Variants in MSN observed in about 807,000 individuals in gnomAD.
MSN encodes moesin.
Under a neutral mutation model 48.0 loss-of-function variants are expected in MSN, and 2 were observed. The ratio of observed to expected loss-of-function variants is 0.04; its 90% CI spans 0.02 to 0.13. MSN has a LOEUF of 0.13. Among genes scored for constraint, MSN ranks in the 10% least tolerant of loss-of-function variants. The pLI, the probability that MSN is intolerant of heterozygous loss-of-function variation, is 1.00. For synonymous variants in MSN, 146 were observed against 166.9 expected, an observed-to-expected ratio of 0.87 and a Z score of 0.97; for missense variants, 267 against 470.1, an observed-to-expected ratio of 0.57 and a Z score of 3.99.
chrX:65,604,570 A>T (rs1028149620), intron 1 of MSN, among the ~76,000 whole-genome samples: 2 of 111,646 alleles, frequency 1.8e-5, no homozygotes, highest in African/African-American at 6.5e-5. Context: ...ATCAGAAATA[A>T]GCATAGGGAA....
chrX:65,605,700 G>A (rs943860918), intron 1 of MSN, among the ~76,000 whole-genome samples: 5 of 110,770 alleles, frequency 4.5e-5, no homozygotes, highest in East Asian at 2.8e-4. Context: ...TTTTCTCACC[G>A]TGATTCAGCC....
intron 1 of MSN, among the ~76,000 whole-genome samples, chrX:65,673,435 A>G (rs2070962633): frequency 9.1e-6 from 1 of 109,648 alleles, no homozygotes; most frequent in Non-Finnish European, 1.9e-5. Context: ...CAGTGAGCTG[A>G]GGACTGGCTA....
intron 1 of MSN, among the ~76,000 whole-genome samples, chrX:65,714,334 A>G (rs777189954): frequency 2.7e-5 from 3 of 111,910 alleles, no homozygotes; most frequent in Non-Finnish European, 5.6e-5. Context: ...TATATACCCC[A>G]TAATGATATT....
intron 1 of MSN, among the ~76,000 whole-genome samples, chrX:65,671,781 G>A (rs776819838): frequency 8.9e-6 from 1 of 111,979 alleles, no homozygotes; most frequent in South Asian, 3.7e-4. Context: ...GGCCTTTGTG[G>A]GACCCACACC....
intron 1 of MSN, among the ~76,000 whole-genome samples, chrX:65,605,627 A>G (rs756484266): frequency 1.8e-5 from 2 of 112,103 alleles, no homozygotes; most frequent in East Asian, 5.6e-4. Flanking sequence ...GCTATAGCCC[A>G]AAAGAGCCTA....
At chrX:65,724,032 TTC>T (rs1190928066) in intron 2 of MSN, among the ~76,000 whole-genome samples, 31 of 109,690 alleles carry the variant, frequency 2.8e-4, no homozygotes, top group African/African-American at 9.0e-4. Flanking sequence ...TGAGCCTGAA[TTC>T]TCTCTTTTTT....
chrX:65,619,708 C>T (rs370627457), intron 1 of MSN, among the ~76,000 whole-genome samples: 1,752 of 108,524 alleles, frequency 0.016, 53 homozygotes, highest in African/African-American at 0.058. Context: ...TCTCTCAGCT[C>T]GTCAAAGTCA....
Position 65,730,262 on chromosome X carries a change from G to A in MSN, c.467+550G>A, listed in dbSNP as rs183763761. On this transcript the variant is annotated intron_variant, in intron 4 of 12. Coordinates refer to ENST00000360270, the MANE Select transcript of MSN (RefSeq NM_002444.3). ...GCAGGCAATATCCTTATTTCCTGGC[G>A]AAGGAAATAGAGGTGCAGAGGTACT... Among the ~76,000 whole-genome samples the A allele has an allele frequency of 1.3e-3, 142 of 111,987 alleles. 1 individual carries two copies. The highest frequency in any genetic ancestry group is 4.3e-3 in the African/African-American group (131 of 30,784).
rs747354777 is a variant in MSN, at chrX:65,696,196, CA to C, written c.13-20615del. On this transcript the variant is annotated intron_variant, in intron 1 of 12. Coordinates refer to ENST00000360270, the MANE Select transcript of MSN (RefSeq NM_002444.3). ...TTATCTGCATATTTCCTCCATCTGACAAAAAAATGCCCTCACGTGCTTGCTC... is the reference window on the plus strand; with the variant it reads ...TTATCTGCATATTTCCTCCATCTGACAAAAAATGCCCTCACGTGCTTGCTC... 2.2e-3 allele frequency among the ~76,000 whole-genome samples: 235 copies of C among 108,409 alleles called. 1 individual carries two copies. The highest frequency in any genetic ancestry group is 7.6e-3 in the African/African-American group (218 of 28,691). 94.1% of individuals were successfully genotyped at this position (108,409 alleles called of 115,157 possible).
intron 1 of MSN, among the ~76,000 whole-genome samples, chrX:65,694,439 C>G (rs1194746946): frequency 3.6e-5 from 4 of 110,255 alleles, no homozygotes; most frequent in Admixed American, 2.9e-4. Flanking sequence ...CAGCGATTCC[C>G]TGTCTCAGCC....
rs765531503 is a variant in MSN, at chrX:65,636,542, C to G, written c.-22+47930C>G. On this transcript the variant is annotated intron_variant, in intron 1 of 3. Transcript: ENST00000609672. ...ATCTGAGGTCAGGAGTTCAGCAGCTCGAGACCAGCCAGGGCAACATGGTGA... is the reference window on the plus strand; with the variant it reads ...ATCTGAGGTCAGGAGTTCAGCAGCTGGAGACCAGCCAGGGCAACATGGTGA... Among the ~76,000 whole-genome samples, 4 of 107,741 alleles carry G rather than the reference C, an allele frequency of 3.7e-5. No homozygotes were observed. The Admixed American group carries it at 4.0e-4, about 11-fold the overall frequency. 93.6% of individuals were successfully genotyped at this position (107,741 alleles called of 115,157 possible).
At chrX:65,694,528 A>T (rs905417305) in intron 1 of MSN, among the ~76,000 whole-genome samples, 1 of 109,192 alleles carries the variant, frequency 9.2e-6, no homozygotes. Flanking sequence ...GGGTTTCACC[A>T]TGTTGTCCAG....
At chrX:65,632,889 T>C (rs2070569523) in intron 1 of MSN, among the ~76,000 whole-genome samples, 2 of 112,140 alleles carry the variant, frequency 1.8e-5, no homozygotes, top group Admixed American at 9.5e-5. Context: ...GGAGGAGTCA[T>C]GATCCAAAAA....
At chrX:65,604,330 G>C (rs1470042294) in intron 1 of MSN, among the ~76,000 whole-genome samples, 1 of 112,112 alleles carries the variant, frequency 8.9e-6, no homozygotes, top group African/African-American at 3.2e-5. Context: ...CCAGTAGATG[G>C]CTGGCCATGT....
At chrX:65,651,455 C>G (rs1364928296) in intron 1 of MSN, among the ~76,000 whole-genome samples, 1 of 108,621 alleles carries the variant, frequency 9.2e-6, no homozygotes, top group South Asian at 3.9e-4. Flanking sequence ...TTATTTCAAA[C>G]TATAAGTGCT....
intron 1 of MSN, among the ~76,000 whole-genome samples, chrX:65,606,396 G>T (rs1255984533): frequency 9.1e-6 from 1 of 109,588 alleles, no homozygotes; most frequent in Non-Finnish European, 1.9e-5. Flanking sequence ...CAAAGTACTG[G>T]GATTACAGGT....
At position 65,650,335 on chromosome X, in the gene MSN, C is replaced by A. The variant is rs775987985; in HGVS notation, c.-22+61723C>A. Among the ~76,000 whole-genome samples the A allele has an allele frequency of 1.3e-3, 150 of 112,025 alleles. No homozygotes were observed. The Middle Eastern group carries it at 0.037, about 28-fold the overall frequency. On this transcript the variant is annotated intron_variant, in intron 1 of 3. Coordinates refer to the MSN transcript ENST00000609672. Reference sequence around the variant, plus strand: ...ACACTTGGCTTCAAGTGATCCACCCCCCTTGGCCTCCCAAAGTGCTGGGAT... The same window carrying A: ...ACACTTGGCTTCAAGTGATCCACCCACCTTGGCCTCCCAAAGTGCTGGGAT...
rs1361532206 is a variant in MSN at position 65,738,973 on chromosome X, C to G, written c.1348C>G (p.Gln450Glu). Residue 450 changes from glutamine (Q) to glutamate (E), a missense_variant, in exon 12 of 13, where the codon CAG becomes GAG. By Grantham distance (29) the Gln-to-Glu change is conservative. Transcript: ENST00000360270. Reference protein sequence around the residue: ...SEAVEWQQKAQMVQEDLEKTR... With the variant: ...SEAVEWQQKAEMVQEDLEKTR... ...CTCTCCTTCTGTCACTGGACAGGCC[C>G]AGATGGTACAGGAAGACTTGGAGAA... The G allele has an allele frequency of 8.3e-7, 1 of 1,211,153 alleles. No homozygotes were observed. The highest frequency in any genetic ancestry group is 1.1e-6 in the Non-Finnish European group (1 of 895,065).
chrX:65,597,015 A>C (rs1227419424), intron 1 of MSN, among the ~76,000 whole-genome samples: 2 of 111,596 alleles, frequency 1.8e-5, no homozygotes, highest in Non-Finnish European at 3.8e-5. Flanking sequence ...CTACTAGAAA[A>C]ATAACTCCAA....
Sources: gnomAD v4.1 joint callset for allele counts (sites outside exome capture counted in the v4.1 genomes callset) on GRCh38, gnomAD v4.1.1 for gene constraint, MANE v1.5 for transcripts, NCBI Gene and HGNC (gene_info 2026-07-23, HGNC 2026-07-21) for gene names.